The following SS18 variants were observed in gnomAD, a reference collection of about 807,000 sequenced individuals.
SS18 encodes protein SSXT.
SS18 carries 28 observed loss-of-function variants against 72.5 expected under a neutral mutation model. The observed-to-expected ratio is 0.39, with a 90% confidence interval of 0.29 to 0.53. The LOEUF (loss-of-function observed/expected upper bound fraction) is 0.53, where lower values mean the gene tolerates loss of function less well. Ranked by LOEUF, SS18 falls within the 20% of genes least tolerant of loss-of-function variation. SS18 has a pLI of 0.76. For synonymous variants in SS18, 172 were observed against 164.2 expected (o/e 1.05, Z -0.37); for missense variants, 518 against 535.3 (o/e 0.97, Z 0.32).
chr18:26,059,306 T>G (rs1051695020), intron 3 of SS18, among the ~76,000 whole-genome samples: 2 of 152,200 alleles, frequency 1.3e-5, no homozygotes, highest in Non-Finnish European at 2.9e-5. Context: ...GCTTTTTCCT[T>G]GAGTTTGCTG....
At chr18:26,083,320 T>C (rs1213805853) in intron 2 of SS18, among the ~76,000 whole-genome samples, 1 of 152,160 alleles carries the variant, frequency 6.6e-6, no homozygotes, top group African/African-American at 2.4e-5. Context: ...GACCTAAACA[T>C]ACACTATCCG....
intron 1 of SS18, chr18:26,090,142 G>A: frequency 3.9e-6 from 1 of 255,494 alleles, no homozygotes; most frequent in South Asian, 8.2e-5. Flanking sequence ...AAGTAACTCC[G>A]GAGCAACGCG....
At chr18:26,027,338 G>A (rs983102223) in intron 10 of SS18, among the ~76,000 whole-genome samples, 1 of 151,144 alleles carries the variant, frequency 6.6e-6, no homozygotes, top group Non-Finnish European at 1.5e-5. Context: ...AAGGTAAAAC[G>A]ACAATCCAGT....
At chr18:26,071,703 C>A (rs2054312326) in intron 3 of SS18, among the ~76,000 whole-genome samples, 1 of 152,118 alleles carries the variant, frequency 6.6e-6, no homozygotes, top group East Asian at 1.9e-4. Context: ...TGGTGTATGC[C>A]TGTGGTCCTA....
At chr18:26,087,728 A>G (rs891003516) in intron 1 of SS18, 151 bp from the exon 2 acceptor site, 1 of 453,928 alleles carries the variant, frequency 2.2e-6, no homozygotes, top group Non-Finnish European at 3.9e-6. Flanking sequence ...CCCTGCAAAC[A>G]ATCATTACTA....
chr18:26,090,416 CG>C, intron 1 of SS18, 84 bp downstream of exon 1: 5 of 1,388,396 alleles, frequency 3.6e-6, no homozygotes, highest in Non-Finnish European at 5.0e-6. Flanking sequence ...TCGGCCCGGT[CG>C]ACTCCGGGCC....
chr18:26,021,767 G>T (rs1242890596), intron 10 of SS18, among the ~76,000 whole-genome samples: 1 of 152,184 alleles, frequency 6.6e-6, no homozygotes, highest in African/African-American at 2.4e-5. Context: ...CAGGCACTTG[G>T]CAATCTAGCT....
chr18:26,052,512 A>G, intron 5 of SS18, 112 bp downstream of exon 5: 1 of 789,190 alleles, frequency 1.3e-6, no homozygotes, highest in Admixed American at 2.4e-5. Context: ...CATGACTGTC[A>G]CTCACTTTAA....
chr18:26,055,535 A>G (rs16942112), intron 4 of SS18, among the ~76,000 whole-genome samples: 1 of 152,184 alleles, frequency 6.6e-6, no homozygotes, highest in East Asian at 1.9e-4. Context: ...ACCCAGATCA[A>G]TGAGAACATA....
chr18:26,090,380 T>A, intron 1 of SS18, 121 bp downstream of exon 1: 1 of 980,136 alleles, frequency 1.0e-6, no homozygotes. Flanking sequence ...CAAACACTGC[T>A]GATTCCCAGC....
At chr18:26,019,872 A>T (rs1024350877) in intron 10 of SS18, among the ~76,000 whole-genome samples, 1 of 152,008 alleles carries the variant, frequency 6.6e-6, no homozygotes, top group African/African-American at 2.4e-5. Context: ...GCTAAATTTA[A>T]ATCAATGATC....
chr18:26,072,317 C>A (rs547147362), intron 3 of SS18, among the ~76,000 whole-genome samples: 2 of 149,516 alleles, frequency 1.3e-5, no homozygotes, highest in South Asian at 4.2e-4. Flanking sequence ...CAGTGGCTCA[C>A]ACCTGTAATC....
At chr18:26,039,183 A>G (rs1432014184) in intron 6 of SS18, 106 bp downstream of exon 6, 5 of 864,246 alleles carry the variant, frequency 5.8e-6, no homozygotes, top group Non-Finnish European at 4.8e-6. Context: ...AAAAAAAAAA[A>G]AAAAAAAAAA....
chr18:26,068,014 T>C (rs896580308), intron 3 of SS18, among the ~76,000 whole-genome samples: 24 of 152,112 alleles, frequency 1.6e-4, no homozygotes, highest in Admixed American at 8.5e-4. Flanking sequence ...TTCCTGAGAA[T>C]CTAATGCTGC....
At chr18:26,032,921 G>A (rs2053567916) in intron 9 of SS18, among the ~76,000 whole-genome samples, 2 of 152,110 alleles carry the variant, frequency 1.3e-5, no homozygotes, top group African/African-American at 4.8e-5. Flanking sequence ...GAAAAATACT[G>A]AAATAACTTC....
At chr18:26,040,254 C>A (rs183755637) in intron 5 of SS18, among the ~76,000 whole-genome samples, 4 of 152,238 alleles carry the variant, frequency 2.6e-5, no homozygotes, top group African/African-American at 9.6e-5. Context: ...ATCACACTGG[C>A]AACAGTAAAA....
chr18:26,062,377 A>T (rs2054138782), intron 3 of SS18, among the ~76,000 whole-genome samples: 1 of 152,218 alleles, frequency 6.6e-6, no homozygotes, highest in Admixed American at 6.5e-5. Context: ...TTAATATTTT[A>T]ATGAAGAATA....
intron 10 of SS18, among the ~76,000 whole-genome samples, chr18:26,027,475 T>C (rs997668157): frequency 2.6e-5 from 4 of 151,738 alleles, no homozygotes; most frequent in Admixed American, 2.0e-4. Context: ...GGTGAAACCC[T>C]GTCTCAACTA....
At chr18:26,079,327 T>C (rs2054475655) in intron 2 of SS18, among the ~76,000 whole-genome samples, 1 of 152,216 alleles carries the variant, frequency 6.6e-6, no homozygotes, top group Non-Finnish European at 1.5e-5. Flanking sequence ...CAAAGCCATA[T>C]TAAAATTAGC....
Sources: gnomAD v4.1 joint callset for allele counts (sites outside exome capture counted in the v4.1 genomes callset) on GRCh38, gnomAD v4.1.1 for gene constraint, MANE v1.5 for transcripts, NCBI Gene and HGNC (gene_info 2026-07-23, HGNC 2026-07-21) for gene names.